CACHD1: variants seen among roughly 807,000 people sequenced by gnomAD.
CACHD1 encodes the protein cache domain containing 1, also known as VWFA and cache domain-containing protein 1.
A neutral mutation model predicts 138.7 loss-of-function variants in CACHD1; 71 were observed. The ratio of observed to expected loss-of-function variants is 0.51; its 90% CI spans 0.42 to 0.62. The LOEUF is 0.62. CACHD1 is among the 20% of genes least tolerant of loss of function. The pLI, the probability that CACHD1 is intolerant of heterozygous loss-of-function variation, is 0.00. For synonymous variants in CACHD1, 578 were observed against 591.5 expected (o/e 0.98, Z 0.33); for missense variants, 1,389 against 1,625.3 (o/e 0.85, Z 2.50).
At chr1:64,542,087 T>C (rs951474917) in intron 1 of CACHD1, among the ~76,000 whole-genome samples, 1 of 152,208 alleles carries the variant, frequency 6.6e-6, no homozygotes, top group Non-Finnish European at 1.5e-5. Flanking sequence ...GAAGTACATT[T>C]ATAATATTTT....
At chr1:64,532,537 C>T (rs1443041744) in intron 1 of CACHD1, among the ~76,000 whole-genome samples, 1 of 152,044 alleles carries the variant, frequency 6.6e-6, no homozygotes, top group Non-Finnish European at 1.5e-5. Flanking sequence ...TGGGGAGTAC[C>T]AAGGCCCTGC....
At position 64,629,237 on chromosome 1, in the gene CACHD1, G is replaced by T. The variant is rs919531377; in HGVS notation, c.518-118G>T. The T allele has an allele frequency of 1.2e-5, 13 of 1,098,382 alleles. No individual in the cohort carries two copies. The Admixed American group carries it at 1.2e-4, about 10-fold the overall frequency. 68.0% of individuals were successfully genotyped at this position (1,098,382 alleles called of 1,614,324 possible). On this transcript the variant is annotated intron_variant, in intron 4 of 26. Coordinates refer to ENST00000651257, the MANE Select transcript of CACHD1 (RefSeq NM_020925.4). Reference sequence around the variant, plus strand: ...TGTTTCATAGAAAATTTACAATCTTGTATCTAGTGGGATTTCTTCATACTA... The same window carrying T: ...TGTTTCATAGAAAATTTACAATCTTTTATCTAGTGGGATTTCTTCATACTA...
chr1:64,600,321 C>T (rs1431516109), intron 3 of CACHD1, among the ~76,000 whole-genome samples: 2 of 152,184 alleles, frequency 1.3e-5, no homozygotes, highest in African/African-American at 4.8e-5. Flanking sequence ...CTTCTCATTC[C>T]TCCAGAGCCT....
intron 1 of CACHD1, among the ~76,000 whole-genome samples, chr1:64,491,225 C>T (rs555431296): frequency 1.3e-5 from 2 of 151,368 alleles, no homozygotes; most frequent in Non-Finnish European, 1.5e-5. Context: ...AAAAGCAGTA[C>T]CTTTCTTCAA....
chr1:64,610,734 G>C (rs770631772), intron 4 of CACHD1, among the ~76,000 whole-genome samples: 22 of 152,224 alleles, frequency 1.4e-4, no homozygotes, highest in Non-Finnish European at 2.6e-4. Flanking sequence ...AGTGCAAGCT[G>C]TCAGTGAATC....
At chr1:64,557,577 G>A (rs1014001687) in intron 2 of CACHD1, among the ~76,000 whole-genome samples, 2 of 151,838 alleles carry the variant, frequency 1.3e-5, no homozygotes, top group African/African-American at 2.4e-5. Context: ...GCTCTTCTGC[G>A]GTTTTTGATC....
chr1:64,673,317 A>G (rs201175125), intron 18 of CACHD1, 31 bp from the exon 19 acceptor site: 22 of 1,612,190 alleles, frequency 1.4e-5, no homozygotes, highest in East Asian at 8.9e-5. Context: ...ACTACATGGC[A>G]TATGTCTTCT....
chr1:64,650,990 G>T (rs1649071141), intron 9 of CACHD1, among the ~76,000 whole-genome samples: 1 of 151,878 alleles, frequency 6.6e-6, no homozygotes, highest in Non-Finnish European at 1.5e-5. Flanking sequence ...AGGGAAGCCA[G>T]GAGGAGAAAC....
intron 7 of CACHD1, among the ~76,000 whole-genome samples, chr1:64,641,613 A>C (rs746854345): frequency 1.3e-5 from 2 of 152,186 alleles, no homozygotes; most frequent in Non-Finnish European, 2.9e-5. Flanking sequence ...GATGCTGCAT[A>C]AATGTGGCCT....
At chr1:64,582,088 A>T in intron 2 of CACHD1, 68 bp from the exon 3 acceptor site, 1 of 1,541,166 alleles carries the variant, frequency 6.5e-7, no homozygotes. Flanking sequence ...TTACTAGTTT[A>T]TTAGAAAAAA....
At chr1:64,491,003 A>G (rs1398894193) in intron 1 of CACHD1, among the ~76,000 whole-genome samples, 2 of 152,148 alleles carry the variant, frequency 1.3e-5, no homozygotes, top group Non-Finnish European at 2.9e-5. Flanking sequence ...ATCTAGAAAA[A>G]TCTTTGCTTA....
chr1:64,680,887 T>G (rs1329353180), intron 24 of CACHD1, among the ~76,000 whole-genome samples: 1 of 152,244 alleles, frequency 6.6e-6, no homozygotes, highest in Non-Finnish European at 1.5e-5. Flanking sequence ...CAGTGTTAGC[T>G]TATGCCTGGC....
At chr1:64,549,802 T>TA (rs1297805993) in intron 1 of CACHD1, among the ~76,000 whole-genome samples, 10 of 148,862 alleles carry the variant, frequency 6.7e-5, no homozygotes, top group Admixed American at 1.3e-4. Context: ...TTTATTTTTT[T>TA]TATTTTTTTG....
intron 7 of CACHD1, among the ~76,000 whole-genome samples, chr1:64,638,694 C>T (rs908283278): frequency 1.9e-4 from 29 of 152,094 alleles, no homozygotes; most frequent in South Asian, 4.1e-4. Context: ...TGCCTGGTGG[C>T]TTATAGAGAG....
chr1:64,582,021 T>G, intron 2 of CACHD1, 135 bp from the exon 3 acceptor site: 1 of 955,254 alleles, frequency 1.0e-6, no homozygotes, highest in Non-Finnish European at 1.5e-6. Flanking sequence ...GGAATATGAC[T>G]TGGGTGTGTG....
chr1:64,569,252 A>G (rs779412214), intron 2 of CACHD1, among the ~76,000 whole-genome samples: 7 of 152,238 alleles, frequency 4.6e-5, no homozygotes, highest in African/African-American at 9.6e-5. Context: ...TTGTAAAAAT[A>G]GAAATACAAA....
At chr1:64,535,513 CAG>C (rs1425390053) in intron 1 of CACHD1, among the ~76,000 whole-genome samples, 1 of 151,894 alleles carries the variant, frequency 6.6e-6, no homozygotes, top group African/African-American at 2.4e-5. Context: ...TTAGTAGAGG[CAG>C]AGTTTCACCA....
intron 8 of CACHD1, among the ~76,000 whole-genome samples, chr1:64,642,644 T>C (rs1648756753): frequency 6.6e-6 from 1 of 152,222 alleles, no homozygotes; most frequent in African/African-American, 2.4e-5. Context: ...CACAGTTTTC[T>C]AGCTGTATTG....
At chr1:64,643,033 G>A (rs1439288363) in intron 8 of CACHD1, among the ~76,000 whole-genome samples, 1 of 60,082 alleles carries the variant, frequency 1.7e-5, no homozygotes, top group African/African-American at 7.6e-5. Context: ...GCAAGACTCT[G>A]TCTAAAAAAA....
Sources: gnomAD v4.1 joint callset for allele counts (sites outside exome capture counted in the v4.1 genomes callset) on GRCh38, gnomAD v4.1.1 for gene constraint, MANE v1.5 for transcripts, NCBI Gene and HGNC (gene_info 2026-07-23, HGNC 2026-07-21) for gene names.